Variants in MBD5 observed in about 807,000 individuals in gnomAD.
The protein encoded by MBD5 is methyl-CpG-binding domain protein 5.
Under a neutral mutation model 117.3 loss-of-function variants are expected in MBD5, and 13 were observed. That is an observed-to-expected ratio of 0.11 (90% CI 0.07 to 0.18). MBD5 has a LOEUF of 0.18. Among genes scored for constraint, MBD5 ranks in the 10% least tolerant of loss-of-function variants. MBD5 has a pLI of 1.00. For synonymous variants in MBD5, 727 were observed against 766.4 expected (o/e 0.95, Z 0.85); for missense variants, 1,879 against 2,093.8 (o/e 0.90, Z 2.00).
chr2:148,453,889 C>CCTAGTT (rs1313484230), intron 4 of MBD5, among the ~76,000 whole-genome samples: 5 of 151,952 alleles, frequency 3.3e-5, no homozygotes, highest in Admixed American at 2.0e-4. Flanking sequence ...GAAATGCTTT[C>CCTAGTT]CTAGTTCTAC....
chr2:148,179,832 C>G (rs1698479587), intron 2 of MBD5, among the ~76,000 whole-genome samples: 1 of 152,130 alleles, frequency 6.6e-6, no homozygotes, highest in Non-Finnish European at 1.5e-5. Context: ...TGCTCCTATT[C>G]AGTTCTAGGA....
intron 4 of MBD5, among the ~76,000 whole-genome samples, chr2:148,368,030 C>A (rs1325938172): frequency 1.3e-5 from 2 of 152,016 alleles, no homozygotes; most frequent in Non-Finnish European, 2.9e-5. Flanking sequence ...TGCTCATGTA[C>A]GTTTATTGCA....
chr2:148,233,574 T>C (rs562428958), intron 3 of MBD5, among the ~76,000 whole-genome samples, 179 bp downstream of exon 3: 1 of 152,248 alleles, frequency 6.6e-6, no homozygotes, highest in East Asian at 1.9e-4. Context: ...TGTCAAAAAT[T>C]ACATTAAGAT....
chr2:148,490,061 C>G lies in MBD5; in HGVS notation c.4429C>G (p.Gln1477Glu). The G allele has an allele frequency of 6.2e-7, 1 of 1,613,864 alleles. No homozygotes were observed. Among genetic ancestry groups the G allele is most frequent in the East Asian group, 2.2e-5 (1 of 44,866 alleles). ...VSTLPFLPGE[Q>E]HPILLPPRNC... ...TACACTGCCATTTCTGCCTGGGGAA[C>G]AGCACCCAATACTGTTACCACCAAG... is the stretch of plus-strand genomic sequence containing the variant. Residue 1477 changes from glutamine (Q) to glutamate (E), a missense_variant, in exon 11 of 14, where the codon CAG becomes GAG. Gln to Glu is a conservative substitution (Grantham distance 29, BLOSUM62 2). Around this residue, in one of 4 missense-constraint regions of MBD5, gnomAD observed 1,666 missense variants for 1,792.2 expected, o/e 0.93. Transcript: ENST00000642680.
Position 148,021,516 on chromosome 2 carries a change from G to A in MBD5, c.-1093G>A. On this transcript the variant is annotated 5_prime_UTR_variant, in exon 1 of 14. Transcript: ENST00000642680. ...TGCTGCTACTGCTGCTGCTGCTACT[G>A]CTGCTGCTTGGCCCTGGCTGGAGAC... is the stretch of plus-strand genomic sequence containing the variant. 1.7e-6 allele frequency: 1 copy of A among 573,484 alleles called. No homozygotes were observed. 35.5% of individuals were successfully genotyped at this position (573,484 alleles called of 1,614,324 possible). A position where few individuals can be genotyped will look rare whatever the true frequency, so the allele number is the denominator to read the frequency against.
intron 8 of MBD5, among the ~76,000 whole-genome samples, chr2:148,478,322 C>A (rs1359936601): frequency 6.6e-6 from 1 of 152,150 alleles, no homozygotes; most frequent in Non-Finnish European, 1.5e-5. Context: ...CAGTGGCTCA[C>A]GCCTGAAATC....
At chr2:148,308,706 T>C (rs1464051613) in intron 3 of MBD5, among the ~76,000 whole-genome samples, 3 of 152,018 alleles carry the variant, frequency 2.0e-5, no homozygotes, top group Non-Finnish European at 4.4e-5. Flanking sequence ...GCTTTTGGTA[T>C]TTTAGTCTTG....
At chr2:148,062,419 G>T (rs1208435792) in intron 1 of MBD5, 2 of 151,784 alleles carry the variant, frequency 1.3e-5, no homozygotes, top group African/African-American at 4.8e-5. Flanking sequence ...TAGTATAAAT[G>T]AAGTTGCATA....
intron 11 of MBD5, among the ~76,000 whole-genome samples, chr2:148,491,955 C>G (rs1427935715): frequency 1.3e-5 from 2 of 151,484 alleles, no homozygotes; most frequent in Admixed American, 1.3e-4. Flanking sequence ...GCCATTTTAC[C>G]AAAAGCTTAA....
At position 148,316,171 on chromosome 2, in the gene MBD5, C is replaced by T. The variant is rs534586229; in HGVS notation, c.-679-26043C>T. ...ACCCCCATGATCCAATCACCTCCTA[C>T]CAGGGCACTCCTCCAACACTGGTGA... On this transcript the variant is annotated intron_variant, in intron 3 of 13. Transcript: ENST00000642680. Among the ~76,000 whole-genome samples the T allele has an allele frequency of 4.8e-4, 73 of 152,220 alleles. 1 individual carries two copies. The highest frequency in any genetic ancestry group is 8.4e-4 in the Non-Finnish European group (57 of 68,004).
At chr2:148,361,055 T>C (rs1229097427) in intron 4 of MBD5, among the ~76,000 whole-genome samples, 1 of 152,038 alleles carries the variant, frequency 6.6e-6, no homozygotes. Flanking sequence ...AGAAAAAAAG[T>C]GCTGGGTTGG....
intron 1 of MBD5, among the ~76,000 whole-genome samples, chr2:148,074,209 T>A (rs1207145507): frequency 6.6e-6 from 1 of 152,214 alleles, no homozygotes; most frequent in Non-Finnish European, 1.5e-5. Context: ...CTGCTTAGTC[T>A]GCTTACCTTC....
intron 1 of MBD5, among the ~76,000 whole-genome samples, chr2:148,102,367 T>C (rs976559446): frequency 1.2e-4 from 18 of 152,158 alleles, no homozygotes; most frequent in African/African-American, 4.3e-4. Context: ...GTGCTTTACA[T>C]TTGTTACCTC....
chr2:148,189,495 C>T (rs369747691), intron 2 of MBD5, among the ~76,000 whole-genome samples: 3 of 98,924 alleles, frequency 3.0e-5, no homozygotes, highest in African/African-American at 1.1e-4. Context: ...AGCAGGGGCA[C>T]ACTGACACCT....
In MBD5 at chr2:148,210,315, A is replaced by G. The variant is rs1699388932; in HGVS notation, c.-830-22930A>G. ...CCTACCCCTTTCTACCTCCAATGTT[A>G]AGGATGTACCATTTAGAAAAAAACT... On this transcript the variant is annotated intron_variant, in intron 2 of 13. Coordinates refer to ENST00000642680, the MANE Select transcript of MBD5 (RefSeq NM_001378120.1). Among the ~76,000 whole-genome samples the G allele has an allele frequency of 2.0e-5, 3 of 152,106 alleles. No individual in the cohort carries two copies. In the South Asian group the frequency reaches 6.2e-4, roughly 32 times the overall value.
intron 1 of MBD5, among the ~76,000 whole-genome samples, chr2:148,142,673 C>T (rs1328349823): frequency 6.6e-6 from 1 of 152,082 alleles, no homozygotes; most frequent in Non-Finnish European, 1.5e-5. Flanking sequence ...AAGAAAAGTA[C>T]CAGCATGGCT....
At chr2:148,274,182 A>T (rs1287135991) in intron 3 of MBD5, among the ~76,000 whole-genome samples, 1 of 152,110 alleles carries the variant, frequency 6.6e-6, no homozygotes, top group Non-Finnish European at 1.5e-5. Flanking sequence ...ACATAATTTT[A>T]CTTTCTACTA....
chr2:148,380,518 C>T (rs1238596755), intron 4 of MBD5, among the ~76,000 whole-genome samples: 10 of 151,980 alleles, frequency 6.6e-5, no homozygotes, highest in Non-Finnish European at 8.8e-5. Context: ...AGCTCATTAA[C>T]CAAAGAAGAA....
At chr2:148,401,822 C>T (rs1282148366) in intron 4 of MBD5, among the ~76,000 whole-genome samples, 1 of 152,106 alleles carries the variant, frequency 6.6e-6, no homozygotes, top group African/African-American at 2.4e-5. Context: ...TCCCACGTTA[C>T]ATTTAGTTTT....
Sources: allele counts gnomAD v4.1 joint callset (sites outside exome capture counted in the v4.1 genomes callset), GRCh38; gene constraint gnomAD v4.1.1; regional missense constraint gnomAD v4.1.1; transcripts MANE v1.5; gene names NCBI Gene and HGNC (gene_info 2026-07-23, HGNC 2026-07-21).